ATXN7L1: variants seen among roughly 807,000 people sequenced by gnomAD.
ATXN7L1 encodes the protein ataxin 7 like 1.
Under a neutral mutation model 70.8 loss-of-function variants are expected in ATXN7L1, and 15 were observed. That is an observed-to-expected ratio of 0.21 (90% CI 0.14 to 0.33). The LOEUF is 0.33. ATXN7L1 is among the 10% of genes least tolerant of loss of function. The probability of loss-of-function intolerance (pLI) is 1.00; values close to 1 mark genes in which losing one functional copy is unlikely to be tolerated. For missense variants in ATXN7L1, 975 were observed against 1,097.1 expected (o/e 0.89, Z 1.57); for synonymous variants, 440 against 445.1 (o/e 0.99, Z 0.14).
At chr7:105,681,220 T>A (rs1190731817) in intron 3 of ATXN7L1, among the ~76,000 whole-genome samples, 2 of 151,816 alleles carry the variant, frequency 1.3e-5, no homozygotes, top group Non-Finnish European at 2.9e-5. Flanking sequence ...AGGTCAGGAG[T>A]TCGAGACCAG....
intron 2 of ATXN7L1, among the ~76,000 whole-genome samples, chr7:105,826,825 T>A (rs997611743): frequency 2.6e-5 from 4 of 152,202 alleles, no homozygotes; most frequent in African/African-American, 9.7e-5. Flanking sequence ...GAATGGTAGA[T>A]GATTTTGGCA....
At chr7:105,647,641 G>A (rs1009231167) in intron 4 of ATXN7L1, among the ~76,000 whole-genome samples, 4 of 152,210 alleles carry the variant, frequency 2.6e-5, no homozygotes, top group African/African-American at 4.8e-5. Flanking sequence ...GCGAGACTCC[G>A]TCTCAAAAAC....
chr7:105,868,133 G>C (rs998391918), intron 2 of ATXN7L1, among the ~76,000 whole-genome samples: 4 of 152,124 alleles, frequency 2.6e-5, no homozygotes, highest in African/African-American at 9.7e-5. Context: ...CTCTACACAT[G>C]GGTAACTTCC....
chr7:105,838,112 G>C (rs1812674724), intron 2 of ATXN7L1, among the ~76,000 whole-genome samples: 1 of 152,092 alleles, frequency 6.6e-6, no homozygotes, highest in African/African-American at 2.4e-5. Flanking sequence ...TGTGATCCTA[G>C]AGACCCATAA....
chr7:105,784,435 AACACACACAC>A, intron 3 of ATXN7L1, among the ~76,000 whole-genome samples: 1 of 149,728 alleles, frequency 6.7e-6, no homozygotes, highest in East Asian at 2.0e-4. Context: ...TGACTGGCTA[AACACACACAC>A]ACACACACAC....
intron 3 of ATXN7L1, among the ~76,000 whole-genome samples, chr7:105,699,233 AGT>A (rs1380644611): frequency 1.3e-5 from 2 of 152,036 alleles, no homozygotes; most frequent in African/African-American, 2.4e-5. Flanking sequence ...CCCAGGTTCA[AGT>A]GATTCTCCTT....
At chr7:105,671,803 T>C (rs1022587374) in intron 3 of ATXN7L1, among the ~76,000 whole-genome samples, 1 of 142,100 alleles carries the variant, frequency 7.0e-6, no homozygotes, top group Non-Finnish European at 1.5e-5. Flanking sequence ...GGTGGGAGGA[T>C]TGCTTGAGCC....
chr7:105,820,080 G>A, intron 2 of ATXN7L1: 1 of 352,286 alleles, frequency 2.8e-6, no homozygotes, highest in Non-Finnish European at 5.3e-6. Flanking sequence ...AAGCTCTCAA[G>A]ACCCATGGAC....
intron 3 of ATXN7L1, among the ~76,000 whole-genome samples, chr7:105,682,839 A>C (rs13227308): frequency 0.057 from 8,652 of 152,242 alleles, 274 homozygotes; most frequent in South Asian, 0.079. Context: ...TTGGAGTGTG[A>C]TGAAACATTT....
chr7:105,837,948 C>A (rs1351906777), intron 2 of ATXN7L1, among the ~76,000 whole-genome samples: 1 of 152,148 alleles, frequency 6.6e-6, no homozygotes, highest in Non-Finnish European at 1.5e-5. Context: ...AAGCAGGAGT[C>A]GGGCTGCACA....
intron 3 of ATXN7L1, among the ~76,000 whole-genome samples, chr7:105,758,528 G>C (rs1800091792): frequency 6.6e-6 from 1 of 152,192 alleles, no homozygotes; most frequent in Non-Finnish European, 1.5e-5. Context: ...AAGAGCTTTG[G>C]GGTTTGCTCC....
intron 2 of ATXN7L1, among the ~76,000 whole-genome samples, chr7:105,871,084 G>GTTTTTTT (rs3999852): frequency 7.4e-6 from 1 of 135,056 alleles, no homozygotes; most frequent in Non-Finnish European, 1.6e-5. Context: ...GAGGGCTTGG[G>GTTTTTTT]TTTTTTTTTT....
intron 4 of ATXN7L1, chr7:105,649,609 C>T (rs1799563418): frequency 1.8e-5 from 18 of 986,802 alleles, no homozygotes; most frequent in Non-Finnish European, 2.2e-5. Context: ...TTGCAAGAGC[C>T]ACCAATGTGC....
intron 3 of ATXN7L1, among the ~76,000 whole-genome samples, chr7:105,691,060 A>C (rs1307506631): frequency 1.3e-5 from 2 of 152,180 alleles, no homozygotes; most frequent in Non-Finnish European, 2.9e-5. Context: ...AGGTCCAGTA[A>C]CTTCCCTGTG....
At chr7:105,692,221 C>A (rs1790979561) in intron 3 of ATXN7L1, among the ~76,000 whole-genome samples, 1 of 152,080 alleles carries the variant, frequency 6.6e-6, no homozygotes, top group African/African-American at 2.4e-5. Context: ...GAACTGGGTG[C>A]TTCCTCGAAG....
At chr7:105,738,787 C>T (rs1359973644) in intron 3 of ATXN7L1, among the ~76,000 whole-genome samples, 1 of 152,202 alleles carries the variant, frequency 6.6e-6, no homozygotes, top group East Asian at 1.9e-4. Flanking sequence ...ATAAGCTCCT[C>T]CAAGAAAGGC....
At chr7:105,759,361 C>G (rs113675520) in intron 3 of ATXN7L1, among the ~76,000 whole-genome samples, 2 of 151,632 alleles carry the variant, frequency 1.3e-5, no homozygotes, top group African/African-American at 4.8e-5. Flanking sequence ...ACAAACAGAC[C>G]AGCTTGATCA....
intron 3 of ATXN7L1, among the ~76,000 whole-genome samples, chr7:105,771,866 A>C (rs1802057802): frequency 6.6e-6 from 1 of 152,146 alleles, no homozygotes; most frequent in African/African-American, 2.4e-5. Flanking sequence ...CCAAGATACC[A>C]GGGGGAAAAA....
chr7:105,705,098 C>T (rs112335105), intron 3 of ATXN7L1, among the ~76,000 whole-genome samples: 13,019 of 152,062 alleles, frequency 0.086, 652 homozygotes, highest in Non-Finnish European at 0.12. Flanking sequence ...GATCTTGGCT[C>T]ACTGCAACCT....
Sources: allele counts gnomAD v4.1 joint callset (sites outside exome capture counted in the v4.1 genomes callset), GRCh38; gene constraint gnomAD v4.1.1; transcripts MANE v1.5; gene names NCBI Gene and HGNC (gene_info 2026-07-23, HGNC 2026-07-21).